Variants in RBMS3 observed in about 807,000 individuals in gnomAD.
RBMS3 encodes the protein RNA-binding motif, single-stranded-interacting protein 3.
In RBMS3, 27 loss-of-function variants were observed where a neutral mutation model predicts 66.8. That is an observed-to-expected ratio of 0.40 (90% CI 0.30 to 0.56). RBMS3 has a LOEUF of 0.56. Ranked by LOEUF, RBMS3 falls within the 20% of genes least tolerant of loss-of-function variation. The pLI, the probability that RBMS3 is intolerant of heterozygous loss-of-function variation, is 0.40. For synonymous variants in RBMS3, 188 were observed against 183.0 expected (o/e 1.03, Z -0.22); for missense variants, 513 against 549.5 (o/e 0.93, Z 0.66).
At chr3:29,805,889 A>C (rs1345829693) in intron 6 of RBMS3, among the ~76,000 whole-genome samples, 1 of 151,982 alleles carries the variant, frequency 6.6e-6, no homozygotes, top group East Asian at 1.9e-4. Context: ...GTAATGTTCT[A>C]AGCCTTCACA....
At chr3:29,813,651 T>G (rs184630874) in intron 6 of RBMS3, among the ~76,000 whole-genome samples, 1 of 152,190 alleles carries the variant, frequency 6.6e-6, no homozygotes, top group East Asian at 1.9e-4. Flanking sequence ...CCTCTTTTTT[T>G]TCGTTGAGCC....
At chr3:29,695,226 G>T (rs2052210904) in intron 4 of RBMS3, among the ~76,000 whole-genome samples, 1 of 152,060 alleles carries the variant, frequency 6.6e-6, no homozygotes, top group Non-Finnish European at 1.5e-5. Flanking sequence ...TCTAGTATAA[G>T]AAAGGATAAA....
At chr3:29,622,946 C>G (rs2048918572) in intron 4 of RBMS3, among the ~76,000 whole-genome samples, 1 of 152,030 alleles carries the variant, frequency 6.6e-6, no homozygotes, top group Non-Finnish European at 1.5e-5. Flanking sequence ...GAAACCCCGT[C>G]TCTACTAAAA....
intron 10 of RBMS3, among the ~76,000 whole-genome samples, chr3:29,905,888 G>A (rs1287613455): frequency 1.3e-5 from 2 of 152,020 alleles, no homozygotes; most frequent in African/African-American, 4.8e-5. Flanking sequence ...AAACTGATAG[G>A]AAATGTCCAC....
chr3:29,908,270 C>T (rs1204598259), intron 10 of RBMS3, among the ~76,000 whole-genome samples: 3 of 151,346 alleles, frequency 2.0e-5, no homozygotes, highest in African/African-American at 7.3e-5. Context: ...AACAAACAAA[C>T]AGAATTTGTT....
At chr3:29,668,382 T>C (rs991530241) in intron 4 of RBMS3, among the ~76,000 whole-genome samples, 7 of 152,320 alleles carry the variant, frequency 4.6e-5, no homozygotes, top group Admixed American at 3.3e-4. Flanking sequence ...TGCCAAATAC[T>C]ACTACTGGCC....
At chr3:29,732,819 A>G (rs1457595514) in intron 4 of RBMS3, among the ~76,000 whole-genome samples, 2 of 151,970 alleles carry the variant, frequency 1.3e-5, no homozygotes, top group Admixed American at 6.6e-5. Flanking sequence ...ATCCACATTA[A>G]TTTTCTTTTC....
intron 4 of RBMS3, among the ~76,000 whole-genome samples, chr3:29,729,150 C>T (rs188487846): frequency 0.06 from 5,266 of 87,516 alleles, 353 homozygotes; most frequent in African/African-American, 0.19. Context: ...CACCCCCCAA[C>T]CCCCTGACAG....
intron 6 of RBMS3, among the ~76,000 whole-genome samples, chr3:29,835,214 A>G (rs904447165): frequency 6.6e-6 from 1 of 152,030 alleles, no homozygotes; most frequent in South Asian, 2.1e-4. Context: ...CCAACTCTCA[A>G]TAACGAATAG....
chr3:29,836,259 A>G (rs2058505613), intron 6 of RBMS3, among the ~76,000 whole-genome samples: 1 of 152,068 alleles, frequency 6.6e-6, no homozygotes, highest in South Asian at 2.1e-4. Context: ...GTCCAAACTC[A>G]TTTTACTAGG....
In RBMS3 at chr3:29,988,211, T is replaced by C. The variant is rs755049670; in HGVS notation, c.1167T>C (p.Ala389=). 52 of 1,609,662 alleles carry C rather than the reference T, an allele frequency of 3.2e-5. No individual in the cohort carries two copies. Among genetic ancestry groups the C allele is most frequent in the Non-Finnish European group, 4.3e-5 (51 of 1,176,408 alleles). Residue 389 remains alanine, a synonymous_variant, in exon 13 of 15, where the codon GCT becomes GCC. Coordinates refer to ENST00000383767, the MANE Select transcript of RBMS3 (RefSeq NM_001003793.3). ...AGTACACGCCTGTGCCTCCGACAGC[T>C]GTTTCTATTGAAGTAAGTCTACCCC... ...IPQYTPVPPT[A]VSIEGVVADT...
intron 1 of RBMS3, among the ~76,000 whole-genome samples, chr3:29,314,295 A>G (rs2034548870): frequency 1.3e-5 from 2 of 151,714 alleles, no homozygotes; most frequent in Admixed American, 1.3e-4. Flanking sequence ...CATTTCATTA[A>G]TCTGGCAATA....
At chr3:29,486,862 A>T (rs139712666) in intron 2 of RBMS3, among the ~76,000 whole-genome samples, 1 of 152,276 alleles carries the variant, frequency 6.6e-6, no homozygotes, top group East Asian at 1.9e-4. Flanking sequence ...CCAATTAAGA[A>T]GGATTTTTGT....
intron 5 of RBMS3, among the ~76,000 whole-genome samples, chr3:29,747,427 T>C (rs1437079461): frequency 6.6e-6 from 1 of 151,460 alleles, no homozygotes; most frequent in Non-Finnish European, 1.5e-5. Context: ...GATAGATAGA[T>C]AGATAGATAG....
chr3:29,358,108 G>A (rs1005605437), intron 1 of RBMS3, among the ~76,000 whole-genome samples: 5 of 152,160 alleles, frequency 3.3e-5, no homozygotes, highest in Non-Finnish European at 2.9e-5. Flanking sequence ...TTTTAGACGT[G>A]AAGTCCTTGC....
intron 9 of RBMS3, among the ~76,000 whole-genome samples, chr3:29,899,193 G>T (rs1199406100): frequency 1.3e-5 from 2 of 151,490 alleles, no homozygotes; most frequent in African/African-American, 4.8e-5. Flanking sequence ...GCTTAACTTG[G>T]GTTAAACCTA....
At chr3:29,813,136 T>G (rs964027227) in intron 6 of RBMS3, among the ~76,000 whole-genome samples, 1 of 152,118 alleles carries the variant, frequency 6.6e-6, no homozygotes, top group Admixed American at 6.6e-5. Context: ...AATAAGGCTG[T>G]GAGAAACATA....
intron 1 of RBMS3, among the ~76,000 whole-genome samples, chr3:29,327,438 G>A (rs2035405333): frequency 6.6e-6 from 1 of 152,066 alleles, no homozygotes; most frequent in South Asian, 2.1e-4. Context: ...AAAAATGCCC[G>A]CAAATTTGGA....
chr3:29,736,674 T>A (rs545644151), intron 4 of RBMS3, among the ~76,000 whole-genome samples: 44 of 152,310 alleles, frequency 2.9e-4, no homozygotes, highest in African/African-American at 9.9e-4. Flanking sequence ...GGCACGTATT[T>A]CTTGTATAAC....
Sources: gnomAD v4.1 joint callset for allele counts (sites outside exome capture counted in the v4.1 genomes callset) on GRCh38, gnomAD v4.1.1 for gene constraint, MANE v1.5 for transcripts, NCBI Gene and HGNC (gene_info 2026-07-23, HGNC 2026-07-21) for gene names.